The following CPB2 variants were observed in gnomAD, a reference collection of about 807,000 sequenced individuals.
CPB2 encodes carboxypeptidase B-like protein.
Under a neutral mutation model 57.0 loss-of-function variants are expected in CPB2, and 54 were observed. That is an observed-to-expected ratio of 0.95 (90% CI 0.76 to 1.19). The LOEUF (loss-of-function observed/expected upper bound fraction) is 1.19. Ranked by LOEUF, CPB2 falls within the 50% of genes most tolerant of loss-of-function variation. The pLI, the probability that CPB2 is intolerant of heterozygous loss-of-function variation, is 0.00. For missense variants in CPB2, 426 were observed against 512.0 expected, an observed-to-expected ratio of 0.83 and a Z score of 1.62; for synonymous variants, 189 against 178.1, an observed-to-expected ratio of 1.06 and a Z score of -0.49.
At chr13:46,077,230 A>G (rs1035064044) in intron 5 of CPB2, among the ~76,000 whole-genome samples, 3 of 152,228 alleles carry the variant, frequency 2.0e-5, no homozygotes, top group African/African-American at 7.2e-5. Flanking sequence ...CAAAAGGAAA[A>G]AAACAAATAA....
At chr13:46,100,326 T>C (rs1392236099) in intron 1 of CPB2, 1 of 152,206 alleles carries the variant, frequency 6.6e-6, no homozygotes, top group African/African-American at 2.4e-5. Context: ...TATGCAGAAT[T>C]TGAGCAAAGT....
At chr13:46,075,586 G>A (rs11620307) in intron 5 of CPB2, among the ~76,000 whole-genome samples, 51,970 of 151,782 alleles carry the variant, frequency 0.34, 9,064 homozygotes, top group African/African-American at 0.39. Flanking sequence ...GACCAACTCA[G>A]TGACCAAGGG....
intron 1 of CPB2, 114 bp downstream of exon 1, chr13:46,104,822 C>A: frequency 8.2e-7 from 1 of 1,216,900 alleles, no homozygotes; most frequent in Non-Finnish European, 1.2e-6. Flanking sequence ...TCTGAAAGAC[C>A]TGGCCTTCAA....
chr13:46,087,942 CAGAGGATCTT>C, intron 1 of CPB2, 122 bp from the exon 2 acceptor site: 1 of 627,310 alleles, frequency 1.6e-6, no homozygotes, highest in East Asian at 2.7e-5. Flanking sequence ...GTTATTAGGA[CAGAGGATCTT>C]ACTACAGATT....
chr13:46,101,606 G>A (rs2045434830), intron 1 of CPB2, among the ~76,000 whole-genome samples: 1 of 152,182 alleles, frequency 6.6e-6, no homozygotes, highest in Admixed American at 6.5e-5. Context: ...CTGCGTCTCT[G>A]AATGATACGA....
chr13:46,078,345 C>T (rs920257878), intron 5 of CPB2, among the ~76,000 whole-genome samples: 1 of 151,294 alleles, frequency 6.6e-6, no homozygotes, highest in Non-Finnish European at 1.5e-5. Context: ...TGTCCACTAA[C>T]GAAAATAAAA....
At chr13:46,055,727 C>A in intron 10 of CPB2, 35 bp downstream of exon 10, 1 of 1,326,706 alleles carries the variant, frequency 7.5e-7, no homozygotes, top group Non-Finnish European at 1.1e-6. Context: ...TTTAGTAGCT[C>A]AAAGTTCTCT....
chr13:46,101,083 T>G (rs1268275411), intron 1 of CPB2: 1 of 150,474 alleles, frequency 6.6e-6, no homozygotes, highest in Non-Finnish European at 1.5e-5. Context: ...TTAGGAGTAT[T>G]TTTTTTTTGT....
At chr13:46,078,957 G>T in intron 4 of CPB2, 56 bp from the exon 5 acceptor site, 2 of 1,113,080 alleles carry the variant, frequency 1.8e-6, no homozygotes, top group South Asian at 1.3e-5. Context: ...GCATTTCCCT[G>T]ACCAAAGCAA....
In CPB2 at chr13:46,104,394, G is replaced by C. The variant is rs1046313915; in HGVS notation, c.74+542C>G. ...GCATGAATTCATTTGTGTTCTTCTA[G>C]ATAGTTTATCCTAAGGGAATCTACT... is the stretch of plus-strand genomic sequence containing the variant. On this transcript the variant is annotated intron_variant, in intron 1 of 10. Coordinates refer to ENST00000181383, the MANE Select transcript of CPB2 (RefSeq NM_001872.5). Among the ~76,000 whole-genome samples the C allele has an allele frequency of 2.0e-5, 3 of 152,172 alleles. No homozygotes were observed. The South Asian group carries it at 6.2e-4, about 32-fold the overall frequency.
chr13:46,102,373 G>A (rs558352010), intron 1 of CPB2, among the ~76,000 whole-genome samples: 4 of 151,930 alleles, frequency 2.6e-5, no homozygotes, highest in Non-Finnish European at 5.9e-5. Context: ...AATGAATATG[G>A]AGTCATGATT....
intron 6 of CPB2, among the ~76,000 whole-genome samples, chr13:46,070,070 G>A (rs562094223): frequency 9.9e-5 from 15 of 152,250 alleles, no homozygotes; most frequent in South Asian, 2.1e-4. Context: ...TTACAATAGC[G>A]CAAAAGCAAT....
chr13:46,064,284 C>T (rs550751611), intron 8 of CPB2, among the ~76,000 whole-genome samples: 1 of 152,028 alleles, frequency 6.6e-6, no homozygotes, highest in African/African-American at 2.4e-5. Flanking sequence ...GGTCCTCCCC[C>T]CATCTCAGGT....
At chr13:46,072,765 T>A (rs539348498) in intron 6 of CPB2, among the ~76,000 whole-genome samples, 1 of 152,242 alleles carries the variant, frequency 6.6e-6, no homozygotes, top group East Asian at 1.9e-4. Flanking sequence ...TCATGTTCAG[T>A]GATAGAATGG....
At chr13:46,053,883 T>C in intron 10 of CPB2, 85 bp from the exon 11 acceptor site, 1 of 1,339,736 alleles carries the variant, frequency 7.5e-7, no homozygotes, top group Non-Finnish European at 1.0e-6. Context: ...AAATGTTTAT[T>C]TGTTTGTATA....
At chr13:46,095,551 G>C (rs1402728396) in intron 1 of CPB2, among the ~76,000 whole-genome samples, 1 of 152,190 alleles carries the variant, frequency 6.6e-6, no homozygotes, top group Non-Finnish European at 1.5e-5. Flanking sequence ...CCGGGGTAGA[G>C]TCTCAGGCAT....
rs80010177 is a variant in CPB2, at chr13:46,097,767, A to G, written c.74+7169T>C. 4.7e-3 allele frequency among the ~76,000 whole-genome samples: 709 copies of G among 152,330 alleles called. 5 individuals carry two copies. The highest frequency in any genetic ancestry group is 0.016 in the African/African-American group (680 of 41,580). On this transcript the variant is annotated intron_variant, in intron 1 of 10. Transcript: ENST00000181383. ...GCTGTGTCCCTACTAGGTAGTATAC[A>G]TGGTTCCAGGAACCAAGTTGGAGTG...
intron 9 of CPB2, among the ~76,000 whole-genome samples, chr13:46,056,832 C>G (rs11574993): frequency 1.3e-5 from 2 of 152,268 alleles, no homozygotes; most frequent in South Asian, 2.1e-4. Context: ...TTTTTCCCCC[C>G]CTTAATAGAT....
intron 10 of CPB2, among the ~76,000 whole-genome samples, chr13:46,054,118 C>G (rs1288395511): frequency 2.0e-5 from 3 of 152,152 alleles, no homozygotes; most frequent in African/African-American, 7.2e-5. Flanking sequence ...GCCCATTTCC[C>G]CTTCCCATAC....
Sources: allele counts gnomAD v4.1 joint callset (sites outside exome capture counted in the v4.1 genomes callset), GRCh38; gene constraint gnomAD v4.1.1; transcripts MANE v1.5; gene names NCBI Gene and HGNC (gene_info 2026-07-23, HGNC 2026-07-21).